The following HIVEP2 variants were observed in gnomAD, a reference collection of about 807,000 sequenced individuals.
HIVEP2 encodes the protein transcription factor HIVEP2.
Under a neutral mutation model 180.7 loss-of-function variants are expected in HIVEP2, and 14 were observed. The observed-to-expected ratio is 0.08, with a 90% confidence interval of 0.05 to 0.12. The LOEUF is 0.12. HIVEP2 is among the 10% of genes least tolerant of loss of function. The pLI, the probability that HIVEP2 is intolerant of heterozygous loss-of-function variation, is 1.00. For missense variants in HIVEP2, 2,579 were observed against 3,008.5 expected, an observed-to-expected ratio of 0.86 and a Z score of 3.34; for synonymous variants, 1,184 against 1,136.4, an observed-to-expected ratio of 1.04 and a Z score of -0.84.
intron 2 of HIVEP2, among the ~76,000 whole-genome samples, chr6:142,806,298 T>C (rs1776546508): frequency 1.3e-5 from 2 of 152,198 alleles, no homozygotes; most frequent in South Asian, 4.1e-4. Context: ...GGAAAATTCA[T>C]GCAAATATTC....
At chr6:142,910,463 G>A (rs1777373068) in intron 1 of HIVEP2, among the ~76,000 whole-genome samples, 1 of 152,168 alleles carries the variant, frequency 6.6e-6, no homozygotes, top group Admixed American at 6.5e-5. Context: ...TTAGCTGGGT[G>A]TGGTGGCGCA....
At chr6:142,812,100 G>C (rs1342258146) in intron 2 of HIVEP2, among the ~76,000 whole-genome samples, 1 of 152,202 alleles carries the variant, frequency 6.6e-6, no homozygotes, top group Non-Finnish European at 1.5e-5. Flanking sequence ...TCCCCGAGTG[G>C]AGGACTTGGA....
intron 1 of HIVEP2, among the ~76,000 whole-genome samples, chr6:142,886,303 T>C (rs1339017805): frequency 6.6e-6 from 1 of 152,196 alleles, no homozygotes; most frequent in Non-Finnish European, 1.5e-5. Flanking sequence ...CAAATTCTGG[T>C]TTTTTTAAAT....
At chr6:142,918,631 G>T (rs1306555503) in intron 1 of HIVEP2, among the ~76,000 whole-genome samples, 3 of 152,146 alleles carry the variant, frequency 2.0e-5, no homozygotes, top group Admixed American at 2.0e-4. Context: ...AAGCACAGCT[G>T]TAAAAATAGA....
At chr6:142,940,251 A>G (rs1467138873) in intron 1 of HIVEP2, among the ~76,000 whole-genome samples, 1 of 152,238 alleles carries the variant, frequency 6.6e-6, no homozygotes, top group Non-Finnish European at 1.5e-5. Flanking sequence ...GGAGCACCAA[A>G]TAAGTATTTT....
At chr6:142,910,845 C>T (rs758295485) in intron 1 of HIVEP2, among the ~76,000 whole-genome samples, 1 of 152,200 alleles carries the variant, frequency 6.6e-6, no homozygotes, top group Non-Finnish European at 1.5e-5. Flanking sequence ...TAGTGAATCA[C>T]ATGCGTAGAG....
In HIVEP2 at chr6:142,759,899, G is replaced by C; in HGVS notation, c.6389C>G (p.Ser2130Cys). ...GKDITARRDL[S>C]PRRERRYMTT... ...CATGTATCTTCTCTCTCTTCTAGGA[G>C]AGAGGTCTCTTCTTGCTGTGATATC... Residue 2130 changes from serine to cysteine, a missense_variant, in exon 9 of 10, where the codon TCT becomes TGT. Physicochemically the swap from Ser to Cys is moderately radical, Grantham distance 112. This residue lies in a region of HIVEP2 where 660 missense variants were observed against 731.7 expected (regional missense o/e 0.90). Transcript: ENST00000367603. 6.2e-7 allele frequency: 1 copy of C among 1,614,124 alleles called. No homozygotes were observed. Among genetic ancestry groups the C allele is most frequent in the South Asian group, 1.1e-5 (1 of 91,082 alleles).
chr6:142,914,941 A>T (rs1027675604), intron 1 of HIVEP2, among the ~76,000 whole-genome samples: 1 of 152,066 alleles, frequency 6.6e-6, no homozygotes, highest in Non-Finnish European at 1.5e-5. Flanking sequence ...TTTAAGGCCC[A>T]ATTCAAATTT....
intron 2 of HIVEP2, among the ~76,000 whole-genome samples, chr6:142,793,677 C>T (rs12174368): frequency 0.56 from 70,051 of 124,512 alleles, 18,544 homozygotes; most frequent in East Asian, 0.67. Flanking sequence ...CTTTCTTTCT[C>T]TCTCTCTCTC....
chr6:142,803,453 A>AGTGAAATTGTAC (rs1776464640), intron 2 of HIVEP2, among the ~76,000 whole-genome samples: 1 of 152,084 alleles, frequency 6.6e-6, no homozygotes, highest in African/African-American at 2.4e-5. Flanking sequence ...TTTCACCTAC[A>AGTGAAATTGTAC]CTACGTGGGT....
rs1169640882 is a variant in HIVEP2 at position 142,915,316 on chromosome 6, A to T, written c.-641+29783T>A. The stretch of plus-strand genomic sequence containing the variant: ...CACACTGTAGTAGGGTGGGCCCCTT[A>T]TCCAACATGACAGAAATGGCGAACA... On this transcript the variant is annotated intron_variant, in intron 1 of 9. Coordinates refer to ENST00000367603, the MANE Select transcript of HIVEP2 (RefSeq NM_006734.4). 2.0e-5 allele frequency among the ~76,000 whole-genome samples: 3 copies of T among 152,194 alleles called. No homozygotes were observed. In the South Asian group the frequency reaches 6.2e-4, roughly 32 times the overall value.
intron 2 of HIVEP2, among the ~76,000 whole-genome samples, chr6:142,830,403 GTA>G (rs1775047510): frequency 6.6e-6 from 1 of 152,100 alleles, no homozygotes; most frequent in South Asian, 2.1e-4. Flanking sequence ...TATTTTTCCT[GTA>G]TGTTTTTATT....
intron 3 of HIVEP2, among the ~76,000 whole-genome samples, chr6:142,782,794 A>G (rs1335933375): frequency 1.3e-5 from 2 of 152,224 alleles, no homozygotes; most frequent in Non-Finnish European, 2.9e-5. Context: ...ATCATTGCAT[A>G]TATTTGTAGA....
intron 1 of HIVEP2, among the ~76,000 whole-genome samples, chr6:142,851,578 C>T (rs1775673479): frequency 6.6e-6 from 1 of 152,206 alleles, no homozygotes; most frequent in Non-Finnish European, 1.5e-5. Flanking sequence ...GGACTTGAGG[C>T]CCCGAAAGGC....
chr6:142,889,518 T>C (rs1377300302), intron 1 of HIVEP2, among the ~76,000 whole-genome samples: 2 of 152,084 alleles, frequency 1.3e-5, no homozygotes, highest in African/African-American at 2.4e-5. Context: ...CTAGACTAGA[T>C]AAAAAGAAGG....
chr6:142,760,913 A>G (rs1202749453), intron 8 of HIVEP2, among the ~76,000 whole-genome samples: 1 of 152,186 alleles, frequency 6.6e-6, no homozygotes, highest in African/African-American at 2.4e-5. Flanking sequence ...TTTATATCTC[A>G]GACATCATCC....
chr6:142,817,332 C>T (rs1003528843), intron 2 of HIVEP2, among the ~76,000 whole-genome samples: 1 of 152,236 alleles, frequency 6.6e-6, no homozygotes, highest in Non-Finnish European at 1.5e-5. Flanking sequence ...GCTCTGTTCT[C>T]TCACTAAATT....
At chr6:142,832,457 G>A (rs923185152) in intron 2 of HIVEP2, among the ~76,000 whole-genome samples, 7 of 151,996 alleles carry the variant, frequency 4.6e-5, no homozygotes, top group South Asian at 2.1e-4. Context: ...GGGGTGATGC[G>A]GGCAAAGGAG....
chr6:142,944,651 A>T (rs1778269314), intron 1 of HIVEP2: 1 of 152,880 alleles, frequency 6.5e-6, no homozygotes, highest in Non-Finnish European at 1.5e-5. Context: ...GTCATGGAAC[A>T]TTCCCGGAAC....
Sources: allele counts gnomAD v4.1 joint callset (sites outside exome capture counted in the v4.1 genomes callset), GRCh38; gene constraint gnomAD v4.1.1; regional missense constraint gnomAD v4.1.1; transcripts MANE v1.5; gene names NCBI Gene and HGNC (gene_info 2026-07-23, HGNC 2026-07-21).